The following ZCCHC7 variants were observed in gnomAD, a reference collection of about 807,000 sequenced individuals.
ZCCHC7 encodes the protein zinc finger CCHC domain-containing protein 7.
ZCCHC7 carries 35 observed loss-of-function variants against 52.0 expected under a neutral mutation model. The ratio of observed to expected loss-of-function variants is 0.67; its 90% CI spans 0.51 to 0.89. The LOEUF is 0.89. Ranked by LOEUF, ZCCHC7 falls within the 40% of genes least tolerant of loss-of-function variation. The pLI is 0.00. For missense variants in ZCCHC7, 574 were observed against 649.1 expected (o/e 0.88, Z 1.26); for synonymous variants, 217 against 221.5 (o/e 0.98, Z 0.18).
At chr9:37,294,177 A>G (rs1828670994) in intron 2 of ZCCHC7, among the ~76,000 whole-genome samples, 1 of 152,216 alleles carries the variant, frequency 6.6e-6, no homozygotes, top group Admixed American at 6.5e-5. Flanking sequence ...AGAAGAATGT[A>G]AGTGAATAAA....
chr9:37,201,046 A>G (rs1316417913), intron 2 of ZCCHC7, among the ~76,000 whole-genome samples: 1 of 152,250 alleles, frequency 6.6e-6, no homozygotes, highest in Admixed American at 6.5e-5. Context: ...ATGGGAGACA[A>G]GGGTATCATT....
Position 37,305,589 on chromosome 9 carries a change from T to G in ZCCHC7, c.826T>G (p.Tyr276Asp). ...GTGCTCCAGGAGAGGACATCTCCTG[T>G]ATTCCTGTCCAGCCCCCCTTTGCGA... ...FLCSRRGHLL[Y>D]SCPAPLCEYC... Residue 276 changes from tyrosine to aspartate, a missense_variant, in exon 5 of 9, where the codon TAT becomes GAT. Tyr to Asp is a radical substitution (Grantham distance 160, BLOSUM62 -3). Around this residue, in one of 3 missense-constraint regions of ZCCHC7, gnomAD observed 403 missense variants for 461.2 expected, o/e 0.87. Coordinates refer to ENST00000336755, the MANE Select transcript of ZCCHC7 (RefSeq NM_032226.3). 1 of 1,614,180 alleles carries G rather than the reference T, an allele frequency of 6.2e-7. No individual in the cohort carries two copies. Among genetic ancestry groups the G allele is most frequent in the Non-Finnish European group, 8.5e-7 (1 of 1,180,022 alleles).
chr9:37,337,411 C>T, intron 6 of ZCCHC7, among the ~76,000 whole-genome samples: 1 of 118,442 alleles, frequency 8.4e-6, no homozygotes, highest in African/African-American at 3.1e-5. Context: ...ACCCCCCCCC[C>T]CCCCAAAAAA....
chr9:37,125,964 A>G (rs553628279), intron 1 of ZCCHC7, among the ~76,000 whole-genome samples: 1 of 152,352 alleles, frequency 6.6e-6, no homozygotes, highest in East Asian at 1.9e-4. Context: ...AGACCATACC[A>G]TGTAGCCTAG....
chr9:37,248,407 C>T (rs563366032), intron 2 of ZCCHC7, among the ~76,000 whole-genome samples: 1 of 152,246 alleles, frequency 6.6e-6, no homozygotes, highest in Admixed American at 6.5e-5. Context: ...TAATTTCCTG[C>T]CTGGAGCGTT....
At chr9:37,188,622 CT>C (rs1471498193) in intron 2 of ZCCHC7, among the ~76,000 whole-genome samples, 1 of 30,842 alleles carries the variant, frequency 3.2e-5, no homozygotes, top group Admixed American at 2.3e-4. Flanking sequence ...TCCCCCGCCC[CT>C]CCCCCTCCTT....
At chr9:37,230,975 C>A (rs1484156861) in intron 2 of ZCCHC7, among the ~76,000 whole-genome samples, 1 of 152,074 alleles carries the variant, frequency 6.6e-6, no homozygotes, top group South Asian at 2.1e-4. Context: ...CACTAGGACA[C>A]CCGGGCTGGA....
intron 2 of ZCCHC7, among the ~76,000 whole-genome samples, chr9:37,292,840 G>A (rs931612640): frequency 2.0e-5 from 3 of 149,824 alleles, no homozygotes; most frequent in African/African-American, 7.4e-5. Flanking sequence ...AGAGAATCTC[G>A]CTGGTATGTA....
At chr9:37,342,251 G>A (rs1450638651) in intron 6 of ZCCHC7, among the ~76,000 whole-genome samples, 4 of 152,136 alleles carry the variant, frequency 2.6e-5, no homozygotes, top group South Asian at 2.1e-4. Context: ...AAGGTTGTTC[G>A]TTTTTGGCCT....
At chr9:37,259,015 T>C (rs1218884310) in intron 2 of ZCCHC7, among the ~76,000 whole-genome samples, 2 of 151,868 alleles carry the variant, frequency 1.3e-5, no homozygotes, top group South Asian at 2.1e-4. Flanking sequence ...TGTAAGACAA[T>C]AGGCAAGCAT....
intron 2 of ZCCHC7, among the ~76,000 whole-genome samples, chr9:37,151,232 C>G (rs1457737007): frequency 6.6e-6 from 1 of 152,032 alleles, no homozygotes; most frequent in African/African-American, 2.4e-5. Context: ...TCCCAAAGTG[C>G]TGGGATTACA....
intron 2 of ZCCHC7, among the ~76,000 whole-genome samples, chr9:37,276,276 G>T (rs1432548920): frequency 6.6e-6 from 1 of 152,120 alleles, no homozygotes; most frequent in Non-Finnish European, 1.5e-5. Context: ...TTCTTTATAT[G>T]TTGGACAGAT....
chr9:37,321,414 C>T (rs940155925), intron 5 of ZCCHC7, among the ~76,000 whole-genome samples: 1 of 151,864 alleles, frequency 6.6e-6, no homozygotes, highest in African/African-American at 2.4e-5. Context: ...CAGAAATAAA[C>T]CACTGTTCCT....
At chr9:37,179,141 T>C (rs958099414) in intron 2 of ZCCHC7, among the ~76,000 whole-genome samples, 12 of 152,214 alleles carry the variant, frequency 7.9e-5, no homozygotes, top group Non-Finnish European at 1.5e-4. Flanking sequence ...TAAATTTTCA[T>C]TGAGTCACTG....
In ZCCHC7 at chr9:37,278,034, G is replaced by GTGTTTTGTTTTGTTTTGTTTTGTTT. The variant is rs370369181; in HGVS notation, c.611-24146_611-24122dup. Among the ~76,000 whole-genome samples, 181 of 142,934 alleles carry GTGTTTTGTTTTGTTTTGTTTTGTTT rather than the reference G, an allele frequency of 1.3e-3. 1 individual carries two copies. The highest frequency in any genetic ancestry group is 2.6e-3 in the African/African-American group (99 of 38,498). The allele number at this position is 142,934 out of a possible 152,430, so 93.8% of individuals were successfully genotyped here. A position where few individuals can be genotyped will look rare whatever the true frequency, so the allele number is the denominator to read the frequency against. The stretch of plus-strand genomic sequence containing the variant: ...TTTGTTTGTGTGTGTGTGTGTGTGT[G>GTGTTTTGTTTTGTTTTGTTTTGTTT]TGTTTTGTTTTGTTTTGTTTTGTTT... On this transcript the variant is annotated intron_variant, in intron 2 of 8. Transcript: ENST00000336755.
At chr9:37,262,338 A>G (rs547175166) in intron 2 of ZCCHC7, among the ~76,000 whole-genome samples, 1 of 152,238 alleles carries the variant, frequency 6.6e-6, no homozygotes, top group Admixed American at 6.5e-5. Flanking sequence ...GTTGCTAGCT[A>G]TATATTCAGT....
intron 2 of ZCCHC7, among the ~76,000 whole-genome samples, chr9:37,215,062 T>A (rs904392734): frequency 6.6e-6 from 1 of 152,148 alleles, no homozygotes; most frequent in Non-Finnish European, 1.5e-5. Flanking sequence ...CAGTTATGAA[T>A]ATGAACATCT....
chr9:37,266,864 ACT>A (rs371039904), intron 2 of ZCCHC7, among the ~76,000 whole-genome samples: 57 of 152,272 alleles, frequency 3.7e-4, no homozygotes, highest in South Asian at 1.9e-3. Flanking sequence ...ATGGAGCAAG[ACT>A]CTGTCTCAAA....
At chr9:37,262,000 A>T (rs1208931423) in intron 2 of ZCCHC7, among the ~76,000 whole-genome samples, 1 of 152,150 alleles carries the variant, frequency 6.6e-6, no homozygotes, top group Non-Finnish European at 1.5e-5. Context: ...CCTATAAGGA[A>T]GAAATTATGT....
Sources: allele counts gnomAD v4.1 joint callset (sites outside exome capture counted in the v4.1 genomes callset), GRCh38; gene constraint gnomAD v4.1.1; regional missense constraint gnomAD v4.1.1; transcripts MANE v1.5; gene names NCBI Gene and HGNC (gene_info 2026-07-23, HGNC 2026-07-21).